Variants in ASAP1 observed in about 807,000 individuals in gnomAD.
The protein encoded by ASAP1 is ArfGAP with SH3 domain, ankyrin repeat and PH domain 1, also known as arf-GAP with SH3 domain, ANK repeat and PH domain-containing protein 1.
A neutral mutation model predicts 145.2 loss-of-function variants in ASAP1; 43 were observed. The ratio of observed to expected loss-of-function variants is 0.30; its 90% CI spans 0.23 to 0.38. The LOEUF is 0.38. ASAP1 is among the 10% of genes least tolerant of loss of function. The probability of loss-of-function intolerance (pLI) is 1.00; values close to 1 mark genes in which losing one functional copy is unlikely to be tolerated. For missense variants in ASAP1, 1,018 were observed against 1,355.3 expected (o/e 0.75, Z 3.91); for synonymous variants, 546 against 515.5 (o/e 1.06, Z -0.80).
chr8:130,072,822 T>TGTGTGTGTGTGTGTGCGCGCGTGTGC (rs1554816353), intron 27 of ASAP1, among the ~76,000 whole-genome samples: 1 of 26,034 alleles, frequency 3.8e-5, no homozygotes, highest in Non-Finnish European at 7.8e-5. Context: ...TGTGTGTGTG[T>TGTGTGTGTGTGTGTGCGCGCGTGTGC]GTGCGCGCGG....
At chr8:130,303,287 A>T (rs1251245861) in intron 3 of ASAP1, among the ~76,000 whole-genome samples, 2 of 152,250 alleles carry the variant, frequency 1.3e-5, no homozygotes, top group Non-Finnish European at 2.9e-5. Context: ...CTATAAGTGT[A>T]TGCCTAAAAT....
intron 4 of ASAP1, among the ~76,000 whole-genome samples, chr8:130,231,379 A>T (rs745330192): frequency 1.3e-5 from 2 of 152,216 alleles, no homozygotes; most frequent in Non-Finnish European, 2.9e-5. Flanking sequence ...ATAAAATTAT[A>T]TACCACTGTC....
At chr8:130,189,995 G>A (rs1960661) in intron 5 of ASAP1, among the ~76,000 whole-genome samples, 26,670 of 152,050 alleles carry the variant, frequency 0.18, 2,964 homozygotes, top group East Asian at 0.43. Context: ...GTTTAAAACT[G>A]GATTTTTTTC....
At chr8:130,244,873 G>C (rs1818753039) in intron 3 of ASAP1, among the ~76,000 whole-genome samples, 1 of 152,138 alleles carries the variant, frequency 6.6e-6, no homozygotes, top group Non-Finnish European at 1.5e-5. Context: ...CTTGGAACAA[G>C]CCAGGAAGGA....
At chr8:130,246,835 A>G (rs1405210161) in intron 3 of ASAP1, 4 of 152,182 alleles carry the variant, frequency 2.6e-5, no homozygotes, top group African/African-American at 7.2e-5. Context: ...TGGGATGCTC[A>G]TTCTCTGCAC....
intron 2 of ASAP1, among the ~76,000 whole-genome samples, chr8:130,397,706 G>A (rs1297456285): frequency 6.6e-6 from 1 of 152,174 alleles, no homozygotes; most frequent in African/African-American, 2.4e-5. Flanking sequence ...CACTGATGTG[G>A]GAACTTTTCC....
At chr8:130,072,493 C>T (rs1463017622) in intron 27 of ASAP1, among the ~76,000 whole-genome samples, 1 of 142,176 alleles carries the variant, frequency 7.0e-6, no homozygotes. Flanking sequence ...GAGGCCTCCC[C>T]TGCCACATGG....
intron 3 of ASAP1, among the ~76,000 whole-genome samples, chr8:130,304,706 A>G (rs567804311): frequency 1.3e-5 from 2 of 152,316 alleles, no homozygotes; most frequent in East Asian, 3.9e-4. Context: ...TCTCACCTAA[A>G]CTACTTACTT....
At chr8:130,159,505 C>T (rs1425956410) in intron 12 of ASAP1, among the ~76,000 whole-genome samples, 2 of 150,434 alleles carry the variant, frequency 1.3e-5, no homozygotes, top group Non-Finnish European at 3.0e-5. Flanking sequence ...GCCTGCAGTC[C>T]CAGCTACTCG....
At chr8:130,292,860 G>T (rs966964052) in intron 3 of ASAP1, among the ~76,000 whole-genome samples, 8 of 152,350 alleles carry the variant, frequency 5.3e-5, no homozygotes, top group Middle Eastern at 3.4e-3. Context: ...GTAAAGCAGA[G>T]ATGAGATGAT....
intron 1 of ASAP1, among the ~76,000 whole-genome samples, chr8:130,435,934 G>C (rs557961622): frequency 6.6e-6 from 1 of 152,228 alleles, no homozygotes. Flanking sequence ...AAACACTTAG[G>C]GCCTTTGCTG....
In ASAP1 at chr8:130,145,221, T is replaced by C. The variant is rs574162312; in HGVS notation, c.1080+7515A>G. Among the ~76,000 whole-genome samples the C allele has an allele frequency of 2.0e-5, 3 of 152,372 alleles. No individual in the cohort carries two copies. The South Asian group carries it at 6.2e-4, about 32-fold the overall frequency. ...TAATTTCAGTAGCCACTTTACGTCATGCTATCCAACAAGGGTACATAAAAC... is the reference window on the plus strand; with the variant it reads ...TAATTTCAGTAGCCACTTTACGTCACGCTATCCAACAAGGGTACATAAAAC... On this transcript the variant is annotated intron_variant, in intron 13 of 29. Transcript: ENST00000518721.
At chr8:130,347,049 T>A (rs1178339704) in intron 3 of ASAP1, among the ~76,000 whole-genome samples, 1 of 152,200 alleles carries the variant, frequency 6.6e-6, no homozygotes, top group Non-Finnish European at 1.5e-5. Flanking sequence ...ACTGGACCTT[T>A]AAGCAGGCTC....
intron 3 of ASAP1, among the ~76,000 whole-genome samples, chr8:130,248,280 A>G (rs1818977371): frequency 6.6e-6 from 1 of 151,962 alleles, no homozygotes; most frequent in Non-Finnish European, 1.5e-5. Context: ...TACATCTACA[A>G]AGACCTGTAC....
At chr8:130,365,095 C>G (rs992036679) in intron 2 of ASAP1, among the ~76,000 whole-genome samples, 1 of 152,192 alleles carries the variant, frequency 6.6e-6, no homozygotes, top group African/African-American at 2.4e-5. Flanking sequence ...ACCTACATCC[C>G]CCAGCAACTA....
intron 3 of ASAP1, chr8:130,340,944 GT>G (rs775390998): frequency 5.6e-5 from 25 of 444,184 alleles, no homozygotes; most frequent in East Asian, 1.4e-4. Context: ...AAAATACTAG[GT>G]TTTTTTTTGT....
At chr8:130,153,036 A>G (rs2097649853) in intron 12 of ASAP1, among the ~76,000 whole-genome samples, 1 of 150,992 alleles carries the variant, frequency 6.6e-6, no homozygotes, top group South Asian at 2.1e-4. Flanking sequence ...TTTTTTTTTG[A>G]GATGGAGTCT....
intron 1 of ASAP1, among the ~76,000 whole-genome samples, chr8:130,430,050 A>G (rs555648806): frequency 6.6e-6 from 1 of 152,202 alleles, no homozygotes; most frequent in African/African-American, 2.4e-5. Context: ...CCTGAGACTA[A>G]GTCTTAGCTT....
intron 2 of ASAP1, among the ~76,000 whole-genome samples, chr8:130,400,002 TACAGAC>T (rs1165641675): frequency 6.6e-6 from 1 of 152,140 alleles, no homozygotes; most frequent in Non-Finnish European, 1.5e-5. Context: ...TCTTTTTTAG[TACAGAC>T]AGAGTTTCTC....
Sources: allele counts gnomAD v4.1 joint callset (sites outside exome capture counted in the v4.1 genomes callset), GRCh38; gene constraint gnomAD v4.1.1; transcripts MANE v1.5; gene names NCBI Gene and HGNC (gene_info 2026-07-23, HGNC 2026-07-21).